HYDIN: variants seen among roughly 807,000 people sequenced by gnomAD.
HYDIN encodes axonemal central pair apparatus protein HYDIN.
HYDIN carries 132 observed loss-of-function variants against 403.9 expected under a neutral mutation model. That is an observed-to-expected ratio of 0.33 (90% CI 0.28 to 0.38). The LOEUF (loss-of-function observed/expected upper bound fraction) is 0.38, where lower values mean the gene tolerates loss of function less well. Among genes scored for constraint, HYDIN ranks in the 10% least tolerant of loss-of-function variants. The pLI is 1.00. For missense variants in HYDIN, 2,827 were observed against 5,009.5 expected, an observed-to-expected ratio of 0.56 and a Z score of 13.15; for synonymous variants, 1,202 against 1,891.7, an observed-to-expected ratio of 0.64 and a Z score of 9.46.
At chr16:71,195,411 T>C (rs1034922824) in intron 1 of HYDIN, among the ~76,000 whole-genome samples, 3 of 152,192 alleles carry the variant, frequency 2.0e-5, no homozygotes, top group South Asian at 2.1e-4. Flanking sequence ...CTCTGGAATG[T>C]TGATAAATAT....
At chr16:71,069,878 C>A (rs555854989) in intron 13 of HYDIN, among the ~76,000 whole-genome samples, 1 of 152,276 alleles carries the variant, frequency 6.6e-6, no homozygotes, top group African/African-American at 2.4e-5. Context: ...ATTTCTTACA[C>A]AAAAATATAC....
intron 53 of HYDIN, among the ~76,000 whole-genome samples, chr16:70,900,733 A>G (rs2076346921): frequency 1.3e-5 from 2 of 151,284 alleles, no homozygotes; most frequent in South Asian, 4.2e-4. Flanking sequence ...TCATTCATTC[A>G]TTCATTCATT....
intron 15 of HYDIN, chr16:71,066,405 C>T (rs2082267599): frequency 6.4e-6 from 1 of 155,042 alleles, no homozygotes; most frequent in Non-Finnish European, 1.4e-5. Context: ...AACTCCCCAC[C>T]AACCAGCACA....
In HYDIN at chr16:70,806,863, G is replaced by A. The variant is rs1416348065; in HGVS notation, c.*717C>T. Among the ~76,000 whole-genome samples the A allele has an allele frequency of 6.6e-6, 1 of 152,180 alleles. No homozygotes were observed. The highest frequency in any genetic ancestry group is 2.1e-4 in the South Asian group (1 of 4,830). On this transcript the variant is annotated 3_prime_UTR_variant, in exon 86 of 86. Coordinates refer to ENST00000393567, the MANE Select transcript of HYDIN (RefSeq NM_001270974.2). Reference sequence around the variant, plus strand: ...GGCACGTTCAGAGTGAGAGTTAGGTGGTCCTGATGTGCAGATGGGTTGAGA... The same window carrying A: ...GGCACGTTCAGAGTGAGAGTTAGGTAGTCCTGATGTGCAGATGGGTTGAGA...
At chr16:71,139,822 C>T (rs1223011921) in intron 7 of HYDIN, among the ~76,000 whole-genome samples, 1 of 151,528 alleles carries the variant, frequency 6.6e-6, no homozygotes, top group Non-Finnish European at 1.5e-5. Context: ...GAAGCAAAGA[C>T]AGTATTTCAA....
chr16:70,949,341 G>A (rs1040603800), intron 41 of HYDIN, among the ~76,000 whole-genome samples: 3 of 150,276 alleles, frequency 2.0e-5, no homozygotes, highest in Non-Finnish European at 4.4e-5. Context: ...ATAGCACTGG[G>A]AGATATACCT....
chr16:71,184,861 C>G lies in HYDIN; in HGVS notation c.261+4G>C. The G allele has an allele frequency of 6.3e-7, 1 of 1,597,856 alleles. No individual in the cohort carries two copies. Among genetic ancestry groups the G allele is most frequent in the Non-Finnish European group, 8.5e-7 (1 of 1,169,956 alleles). ...TATATGTAAGTACGACAGAGAGCAGCTACCTTCTGATGTGTTGTTTCCCCC... is the reference window on the plus strand; with the variant it reads ...TATATGTAAGTACGACAGAGAGCAGGTACCTTCTGATGTGTTGTTTCCCCC... On this transcript the variant is annotated splice_donor_region_variant and intron_variant, in intron 3 of 85. Coordinates refer to ENST00000393567, the MANE Select transcript of HYDIN (RefSeq NM_001270974.2).
At chr16:71,081,184 A>G (rs946682650) in intron 12 of HYDIN, among the ~76,000 whole-genome samples, 7 of 152,178 alleles carry the variant, frequency 4.6e-5, no homozygotes, top group South Asian at 2.1e-4. Flanking sequence ...CAGAGCAATA[A>G]TATTTTTCTC....
chr16:70,945,106 G>C (rs565083497), intron 41 of HYDIN, among the ~76,000 whole-genome samples: 5 of 152,342 alleles, frequency 3.3e-5, no homozygotes, highest in Middle Eastern at 3.4e-3. Flanking sequence ...GACATGAGTG[G>C]AAACAGGAAG....
At chr16:70,861,842 T>C (rs969187707) in intron 69 of HYDIN, among the ~76,000 whole-genome samples, 1 of 65,634 alleles carries the variant, frequency 1.5e-5, no homozygotes, top group South Asian at 6.1e-4. Context: ...TCTGGAGAGG[T>C]TGATGAGCAG....
intron 23 of HYDIN, among the ~76,000 whole-genome samples, chr16:71,002,280 T>C (rs910478806): frequency 6.6e-6 from 1 of 152,248 alleles, no homozygotes; most frequent in African/African-American, 2.4e-5. Flanking sequence ...GCAAGGTGGC[T>C]GACACCTGTA....
chr16:70,866,764 C>T (rs1177922273), intron 66 of HYDIN, among the ~76,000 whole-genome samples: 1 of 152,004 alleles, frequency 6.6e-6, no homozygotes, highest in African/African-American at 2.4e-5. Flanking sequence ...TGGCTCACGG[C>T]CCATAATCCC....
intron 41 of HYDIN, among the ~76,000 whole-genome samples, chr16:70,947,179 T>C (rs2077894848): frequency 6.7e-6 from 1 of 150,324 alleles, no homozygotes; most frequent in Non-Finnish European, 1.5e-5. Flanking sequence ...TGTGGGTTTG[T>C]CATAGATAGC....
intron 23 of HYDIN, among the ~76,000 whole-genome samples, chr16:71,016,090 A>G (rs2080249087): frequency 6.6e-6 from 1 of 151,734 alleles, no homozygotes; most frequent in Non-Finnish European, 1.5e-5. Flanking sequence ...GTTTTTCAAG[A>G]AAATTCTGCA....
At chr16:71,002,732 C>T (rs927734360) in intron 23 of HYDIN, among the ~76,000 whole-genome samples, 2 of 149,102 alleles carry the variant, frequency 1.3e-5, no homozygotes, top group African/African-American at 5.0e-5. Context: ...GGCTGGAGTG[C>T]AGTGACACAA....
At chr16:71,070,243 T>TTTTC (rs143461846) in intron 13 of HYDIN, among the ~76,000 whole-genome samples, 3,253 of 146,428 alleles carry the variant, frequency 0.022, 57 homozygotes, top group Non-Finnish European at 0.035. Flanking sequence ...ATTTTCTTTC[T>TTTTC]TTTCTTTCTT....
intron 23 of HYDIN, among the ~76,000 whole-genome samples, chr16:70,995,297 T>G (rs534679722): frequency 1.3e-5 from 2 of 152,290 alleles, no homozygotes; most frequent in South Asian, 4.1e-4. Context: ...GATTCAGTTA[T>G]TTTTAAAAGG....
At chr16:70,999,162 T>C (rs1459104170) in intron 23 of HYDIN, among the ~76,000 whole-genome samples, 1 of 152,160 alleles carries the variant, frequency 6.6e-6, no homozygotes, top group Non-Finnish European at 1.5e-5. Flanking sequence ...AGAACAGTGG[T>C]TCTCAGTGTT....
chr16:71,184,873 G>A lies in HYDIN; in HGVS notation c.253C>T (p.His85Tyr), dbSNP rs1478292746. 2 of 1,604,146 alleles carry A rather than the reference G, an allele frequency of 1.2e-6. No homozygotes were observed. The highest frequency in any genetic ancestry group is 1.7e-6 in the Non-Finnish European group (2 of 1,173,630). The change falls in exon 3 of 86, where the codon CAT (histidine) becomes TAT (tyrosine). Residue 85 changes from histidine (H) to tyrosine (Y), a missense_variant. By Grantham distance (83) the His-to-Tyr change is moderately conservative (BLOSUM62 2). Transcript: ENST00000393567. Reference sequence around the variant, plus strand: ...CGACAGAGAGCAGCTACCTTCTGATGTGTTGTTTCCCCCATATCTAAGAGT... The same window carrying A: ...CGACAGAGAGCAGCTACCTTCTGATATGTTGTTTCCCCCATATCTAAGAGT... ...IELLDMGETTHQKFSGIDLDQ... is the reference protein window; with the variant it reads ...IELLDMGETTYQKFSGIDLDQ...
Sources: allele counts gnomAD v4.1 joint callset (sites outside exome capture counted in the v4.1 genomes callset), GRCh38; gene constraint gnomAD v4.1.1; transcripts MANE v1.5; gene names NCBI Gene and HGNC (gene_info 2026-07-23, HGNC 2026-07-21).